ACP1: variants seen among roughly 807,000 people sequenced by gnomAD.
The protein encoded by ACP1 is low molecular weight phosphotyrosine protein phosphatase.
ACP1 carries 23 observed loss-of-function variants against 23.4 expected under a neutral mutation model. The observed-to-expected ratio is 0.98, with a 90% CI of 0.71 to 1.39. ACP1 has a LOEUF of 1.39. Ranked by LOEUF, ACP1 falls within the 40% of genes most tolerant of loss-of-function variation. The pLI, the probability that ACP1 is intolerant of heterozygous loss-of-function variation, is 0.00. For missense variants in ACP1, 180 were observed against 197.7 expected, an observed-to-expected ratio of 0.91 and a Z score of 0.54; for synonymous variants, 72 against 67.2, an observed-to-expected ratio of 1.07 and a Z score of -0.35.
Position 278,157 on chromosome 2 carries a change from C to G in ACP1, c.*853C>G, listed in dbSNP as rs1312564936. 2 of 152,136 alleles carry G rather than the reference C, an allele frequency of 1.3e-5. No homozygotes were observed. Among genetic ancestry groups the G allele is most frequent in the Non-Finnish European group, 2.9e-5 (2 of 68,022 alleles). The allele number at this position is 152,136 out of a possible 1,614,324, so 9.4% of individuals were successfully genotyped here. A position where few individuals can be genotyped will look rare whatever the true frequency, so the allele number is the denominator to read the frequency against. On this transcript the variant is annotated 3_prime_UTR_variant, in exon 6 of 6. Coordinates refer to ENST00000272065, the MANE Select transcript of ACP1 (RefSeq NM_004300.4). ...CATGCTTAAATATTGAATAAGTATT[C>G]TTCATCAGCATTTAATAAATGTATA...
At chr2:275,006 TA>T in intron 3 of ACP1, 133 bp from the exon 4 acceptor site, 1 of 404,542 alleles carries the variant, frequency 2.5e-6, no homozygotes, top group Non-Finnish European at 4.4e-6. Flanking sequence ...AAAAGTACCC[TA>T]AAAATTATTT....
intron 1 of ACP1, among the ~76,000 whole-genome samples, chr2:268,142 G>A (rs1173832154): frequency 6.6e-6 from 1 of 152,182 alleles, no homozygotes; most frequent in East Asian, 1.9e-4. Flanking sequence ...GGTGGGAAGT[G>A]ATCAAATTTA....
rs1253153939 is a variant in ACP1 at position 272,227 on chromosome 2, C to T, written c.231+77C>T. The T allele has an allele frequency of 2.5e-6, 4 of 1,614,156 alleles. No homozygotes were observed. Among genetic ancestry groups the T allele is most frequent in the South Asian group, 2.2e-5 (2 of 91,078 alleles). Reference sequence around the variant, plus strand: ...ACAGCGGTGCTGTTTCTGACTGGAACGTGGGCCGGTCCCCAGACCCAAGAG... The same window carrying T: ...ACAGCGGTGCTGTTTCTGACTGGAATGTGGGCCGGTCCCCAGACCCAAGAG... On this transcript the variant is annotated intron_variant, in intron 3 of 5. Transcript: ENST00000272065.
chr2:270,849 T>TTTG (rs138469061), intron 1 of ACP1, among the ~76,000 whole-genome samples: 1 of 151,280 alleles, frequency 6.6e-6, no homozygotes, highest in Non-Finnish European at 1.5e-5. Flanking sequence ...GCTTTGGCTG[T>TTTG]TTTGTTTGTT....
intron 1 of ACP1, among the ~76,000 whole-genome samples, chr2:271,557 C>T (rs1227117280): frequency 4.6e-5 from 7 of 151,376 alleles, no homozygotes; most frequent in African/African-American, 1.7e-4. Context: ...TCGTGATTCA[C>T]TCCTGGATCA....
At chr2:275,897 G>C (rs1176821254) in intron 4 of ACP1, among the ~76,000 whole-genome samples, 1 of 152,072 alleles carries the variant, frequency 6.6e-6, no homozygotes, top group Non-Finnish European at 1.5e-5. Flanking sequence ...AATTACTTTT[G>C]TACAAATGAA....
rs143584646 is a variant in ACP1, at chr2:265,017, C to A, written c.43+10C>A. The A allele has an allele frequency of 1.3e-5, 21 of 1,612,274 alleles. No homozygotes were observed. The highest frequency in any genetic ancestry group is 1.7e-5 in the Non-Finnish European group (20 of 1,179,308). ...CTGTTTGTGTGTCTGGGTAAGAGGG[C>A]GCCGACTTACTCATGTTCTGACGTC... On this transcript the variant is annotated intron_variant, in intron 1 of 5. Transcript: ENST00000272065.
intron 3 of ACP1, chr2:272,735 G>T: frequency 5.4e-6 from 1 of 184,644 alleles, no homozygotes; most frequent in Non-Finnish European, 1.1e-5. Flanking sequence ...GCAACATTAT[G>T]GATATATAAT....
At position 275,244 on chromosome 2, in the gene ACP1, C is replaced by T. The variant is rs199949134; in HGVS notation, c.293+43C>T. 2,665 of 1,101,764 alleles carry T rather than the reference C, an allele frequency of 2.4e-3. 8 individuals are homozygous for T. Among genetic ancestry groups the T allele is most frequent in the Middle Eastern group, 7.0e-3 (33 of 4,738 alleles). 68.2% of individuals were successfully genotyped at this position (1,101,764 alleles called of 1,614,324 possible). ...GAATATTTCTGTTCAACTCTCAGTT[C>T]AGCAGTGGGCCAAGTAATTTGTTGT... On this transcript the variant is annotated intron_variant, in intron 4 of 5. Transcript: ENST00000272065.
chr2:276,029 T>A (rs549565294), intron 4 of ACP1, among the ~76,000 whole-genome samples: 1 of 152,204 alleles, frequency 6.6e-6, no homozygotes, highest in African/African-American at 2.4e-5. Flanking sequence ...GCTGACACCA[T>A]AGCCCATAGG....
Position 277,032 on chromosome 2 carries a change from C to G in ACP1, c.346C>G (p.Leu116Val), listed in dbSNP as rs1670192253. 6.2e-7 allele frequency: 1 copy of G among 1,612,568 alleles called. No individual in the cohort carries two copies. Among genetic ancestry groups the G allele is most frequent in the Admixed American group, 1.7e-5 (1 of 59,848 alleles). The part of the protein sequence containing the change: ...QVKTCKAKIE[L>V]LGSYDPQKQL... ...TAAAACCTGCAAAGCTAAAATTGAA[C>G]TACTTGGGAGCTATGATCCACAAAA... The change falls in exon 5 of 6, where the codon CTA becomes GTA. Residue 116 changes from leucine to valine, a missense_variant. By Grantham distance (32) the Leu-to-Val change is conservative (BLOSUM62 1). Transcript: ENST00000272065.
Position 272,626 on chromosome 2 carries a change from C to G in ACP1, c.231+476C>G, listed in dbSNP as rs7605924. On this transcript the variant is annotated intron_variant, in intron 3 of 5. Coordinates refer to ENST00000272065, the MANE Select transcript of ACP1 (RefSeq NM_004300.4). ...AAACATTTAGGCCATAGTAATCATC[C>G]TGCTGATATTGCAAGTTTGTTGCTA... 1,261 of 559,586 alleles carry G rather than the reference C, an allele frequency of 2.3e-3. 16 individuals carry two copies. The highest frequency in any genetic ancestry group is 0.022 in the African/African-American group (1,150 of 52,660). The allele number at this position is 559,586 out of a possible 1,614,324, so 34.7% of individuals were successfully genotyped here.
Position 277,975 on chromosome 2 carries a change from A to G in ACP1, c.*671A>G, listed in dbSNP as rs1389321152. The stretch of plus-strand genomic sequence containing the variant: ...CCATCTGAACCACTTTGCCTCTGAA[A>G]CTTAATTACATCCAGAAAGAAGGAC... On this transcript the variant is annotated 3_prime_UTR_variant, in exon 6 of 6. Transcript: ENST00000272065. The G allele has an allele frequency of 6.6e-6, 1 of 152,308 alleles. No homozygotes were observed. Among genetic ancestry groups the G allele is most frequent in the African/African-American group, 2.4e-5 (1 of 41,460 alleles). The allele number at this position is 152,308 out of a possible 1,614,324, so 9.4% of individuals were successfully genotyped here. A position where few individuals can be genotyped will look rare whatever the true frequency, so the allele number is the denominator to read the frequency against.
intron 3 of ACP1, 145 bp downstream of exon 3, chr2:272,295 A>G: frequency 6.2e-7 from 1 of 1,613,486 alleles, no homozygotes; most frequent in Non-Finnish European, 8.5e-7. Context: ...ACAGCCCATA[A>G]AGCAAGACAG....
chr2:272,418 A>G, intron 3 of ACP1: 1 of 1,485,204 alleles, frequency 6.7e-7, no homozygotes, highest in East Asian at 2.5e-5. Flanking sequence ...GGTGAGCTTA[A>G]CCAGCTATGG....
intron 3 of ACP1, among the ~76,000 whole-genome samples, chr2:274,175 GAAAA>G (rs1172408679): frequency 1.3e-5 from 2 of 152,042 alleles, no homozygotes. Context: ...AAAACAAAAA[GAAAA>G]AATTCAGTAT....
At chr2:271,018 T>C (rs1432771104) in intron 1 of ACP1, among the ~76,000 whole-genome samples, 1 of 152,172 alleles carries the variant, frequency 6.6e-6, no homozygotes, top group African/African-American at 2.4e-5. Flanking sequence ...AGGATGGCCC[T>C]GATGTCGACA....
rs767660291 is a variant in ACP1, at chr2:265,016, G to A, written c.43+9G>A. 3.7e-5 allele frequency: 59 copies of A among 1,612,560 alleles called. No homozygotes were observed. Among genetic ancestry groups the A allele is most frequent in the East Asian group, 2.7e-4 (12 of 44,754 alleles). On this transcript the variant is annotated intron_variant, in intron 1 of 5. Transcript: ENST00000272065. ...GCTGTTTGTGTGTCTGGGTAAGAGG[G>A]CGCCGACTTACTCATGTTCTGACGT...
intron 1 of ACP1, chr2:269,235 C>G (rs1669969489): frequency 2.3e-6 from 1 of 440,852 alleles, no homozygotes; most frequent in Admixed American, 2.8e-5. Context: ...AAAAACTTCA[C>G]AACACAAATT....
Sources: allele counts gnomAD v4.1 joint callset (sites outside exome capture counted in the v4.1 genomes callset), GRCh38; gene constraint gnomAD v4.1.1; transcripts MANE v1.5; gene names NCBI Gene and HGNC (gene_info 2026-07-23, HGNC 2026-07-21).